Variants in EXOC4 observed in about 807,000 individuals in gnomAD.
EXOC4 encodes the protein SEC8-like 1.
Under a neutral mutation model 107.2 loss-of-function variants are expected in EXOC4, and 71 were observed. That is an observed-to-expected ratio of 0.66 (90% CI 0.55 to 0.81). EXOC4 has a LOEUF of 0.81. Ranked by LOEUF, EXOC4 falls within the 30% of genes least tolerant of loss-of-function variation. The pLI is 0.00. For synonymous variants in EXOC4, 456 were observed against 441.2 expected (o/e 1.03, Z -0.42); for missense variants, 1,108 against 1,189.6 (o/e 0.93, Z 1.01).
At chr7:133,498,421 T>G (rs1252539405) in intron 9 of EXOC4, among the ~76,000 whole-genome samples, 3 of 152,074 alleles carry the variant, frequency 2.0e-5, no homozygotes, top group Non-Finnish European at 2.9e-5. Flanking sequence ...CCGTCTCTAC[T>G]AAAAATACAA....
intron 9 of EXOC4, among the ~76,000 whole-genome samples, chr7:133,582,729 A>C (rs940560812): frequency 6.6e-6 from 1 of 152,222 alleles, no homozygotes; most frequent in Non-Finnish European, 1.5e-5. Context: ...AAAAAAATTA[A>C]GAAAAAGACA....
chr7:133,604,578 CTG>C (rs1238987579), intron 9 of EXOC4, among the ~76,000 whole-genome samples: 2 of 152,016 alleles, frequency 1.3e-5, no homozygotes, highest in African/African-American at 4.8e-5. Context: ...TGGAACATGA[CTG>C]TAATTAAAAT....
intron 9 of EXOC4, among the ~76,000 whole-genome samples, chr7:133,572,532 TA>T (rs935693902): frequency 6.6e-6 from 1 of 152,070 alleles, no homozygotes; most frequent in African/African-American, 2.4e-5. Flanking sequence ...AATTTTTTTT[TA>T]AAAAAATTGA....
chr7:133,324,951 T>G (rs1461879963), intron 5 of EXOC4, among the ~76,000 whole-genome samples: 1 of 152,214 alleles, frequency 6.6e-6, no homozygotes, highest in African/African-American at 2.4e-5. Context: ...ATTGATCCCT[T>G]TACCATTATG....
rs370177652 is a variant in EXOC4, at chr7:133,884,581, C to G, written c.1735-11018C>G. 3.1e-4 allele frequency among the ~76,000 whole-genome samples: 44 copies of G among 143,732 alleles called. 1 individual carries two copies. The highest frequency in any genetic ancestry group is 6.0e-4 in the African/African-American group (23 of 38,394). 94.3% of individuals were successfully genotyped at this position (143,732 alleles called of 152,430 possible). The stretch of plus-strand genomic sequence containing the variant: ...CTCTCAGGTGTGCTTGCCCTATGCT[C>G]TGTGTGTGTGTGTGTGTGTGTGTGT... On this transcript the variant is annotated intron_variant, in intron 11 of 17. Coordinates refer to ENST00000253861, the MANE Select transcript of EXOC4 (RefSeq NM_021807.4).
intron 9 of EXOC4, among the ~76,000 whole-genome samples, chr7:133,548,878 T>C (rs1272763320): frequency 6.6e-6 from 1 of 152,248 alleles, no homozygotes; most frequent in South Asian, 2.1e-4. Flanking sequence ...AGAGTAGCAC[T>C]TGTAATTTCC....
At chr7:133,846,126 A>G (rs1798123120) in intron 11 of EXOC4, among the ~76,000 whole-genome samples, 1 of 152,200 alleles carries the variant, frequency 6.6e-6, no homozygotes, top group Admixed American at 6.5e-5. Flanking sequence ...CAAAAAAATA[A>G]GGGATAAAGT....
chr7:133,588,914 A>G (rs528441438), intron 9 of EXOC4, among the ~76,000 whole-genome samples: 1 of 152,048 alleles, frequency 6.6e-6, no homozygotes, highest in Admixed American at 6.6e-5. Flanking sequence ...GTATGTGTAT[A>G]TATATGTGTG....
At chr7:133,797,840 G>C (rs567680112) in intron 10 of EXOC4, among the ~76,000 whole-genome samples, 14 of 152,328 alleles carry the variant, frequency 9.2e-5, no homozygotes, top group African/African-American at 3.4e-4. Context: ...TAGGTTCTAG[G>C]TATACAGCTA....
intron 7 of EXOC4, among the ~76,000 whole-genome samples, chr7:133,386,384 G>T (rs1796727193): frequency 6.6e-6 from 1 of 152,202 alleles, no homozygotes; most frequent in African/African-American, 2.4e-5. Flanking sequence ...TTTTTAGAAG[G>T]TGTTGCTTTC....
intron 7 of EXOC4, among the ~76,000 whole-genome samples, chr7:133,434,324 T>G (rs1356833357): frequency 6.6e-6 from 1 of 152,152 alleles, no homozygotes; most frequent in Non-Finnish European, 1.5e-5. Flanking sequence ...TTTCAAAGGG[T>G]ATTAGAACCC....
intron 13 of EXOC4, among the ~76,000 whole-genome samples, chr7:133,929,342 A>G (rs1362823982): frequency 1.3e-5 from 2 of 150,560 alleles, no homozygotes; most frequent in East Asian, 2.0e-4. Flanking sequence ...TTATTTAACC[A>G]TGGGTAATTA....
chr7:133,576,898 CTTGT>C, intron 9 of EXOC4: 1 of 1,280,402 alleles, frequency 7.8e-7, no homozygotes, highest in Non-Finnish European at 1.0e-6. Flanking sequence ...ATTAAATTAA[CTTGT>C]TTGTTCTTGC....
intron 9 of EXOC4, among the ~76,000 whole-genome samples, chr7:133,572,455 A>T (rs1358391141): frequency 6.6e-6 from 1 of 151,980 alleles, no homozygotes; most frequent in Non-Finnish European, 1.5e-5. Flanking sequence ...TATTCAATAT[A>T]AAAAAAATAA....
At chr7:133,546,411 A>G (rs1228711225) in intron 9 of EXOC4, among the ~76,000 whole-genome samples, 2 of 151,934 alleles carry the variant, frequency 1.3e-5, no homozygotes, top group South Asian at 2.1e-4. Flanking sequence ...ATGTGCCACC[A>G]TACCCAGCTA....
intron 10 of EXOC4, among the ~76,000 whole-genome samples, chr7:133,711,114 C>T (rs1414696686): frequency 2.0e-5 from 3 of 152,150 alleles, no homozygotes; most frequent in Admixed American, 6.5e-5. Context: ...CATTTCAGTG[C>T]ACAACCAGGA....
At chr7:133,683,485 C>T (rs1245152390) in intron 10 of EXOC4, among the ~76,000 whole-genome samples, 1 of 152,094 alleles carries the variant, frequency 6.6e-6, no homozygotes, top group Non-Finnish European at 1.5e-5. Flanking sequence ...ATAATTTGAT[C>T]ATCTGAGCCA....
intron 10 of EXOC4, chr7:133,771,377 C>G (rs957854940): frequency 2.6e-5 from 4 of 151,936 alleles, no homozygotes; most frequent in African/African-American, 9.7e-5. Flanking sequence ...AAGGACATTG[C>G]TTACTTTCTG....
chr7:133,800,802 C>T (rs377060480), intron 10 of EXOC4, among the ~76,000 whole-genome samples: 13 of 152,152 alleles, frequency 8.5e-5, no homozygotes, highest in East Asian at 5.8e-4. Flanking sequence ...TCTCCAATAA[C>T]GATACTATAA....
Sources: gnomAD v4.1 joint callset for allele counts (sites outside exome capture counted in the v4.1 genomes callset) on GRCh38, gnomAD v4.1.1 for gene constraint, MANE v1.5 for transcripts, NCBI Gene and HGNC (gene_info 2026-07-23, HGNC 2026-07-21) for gene names.